CSMD2: variants seen among roughly 807,000 people sequenced by gnomAD.
CSMD2 encodes the protein CUB and sushi domain-containing protein 2.
A neutral mutation model predicts 398.5 loss-of-function variants in CSMD2; 130 were observed. The observed-to-expected ratio is 0.33, with a 90% confidence interval of 0.28 to 0.38. CSMD2 has a LOEUF of 0.38. Ranked by LOEUF, CSMD2 falls within the 10% of genes least tolerant of loss-of-function variation. The pLI is 1.00. For missense variants in CSMD2, 3,829 were observed against 4,764.9 expected (o/e 0.80, Z 5.78); for synonymous variants, 1,828 against 1,908.5 (o/e 0.96, Z 1.10).
intron 3 of CSMD2, among the ~76,000 whole-genome samples, chr1:34,025,278 AGTG>A (rs1649493469): frequency 6.6e-6 from 1 of 152,068 alleles, no homozygotes; most frequent in South Asian, 2.1e-4. Flanking sequence ...TTTTTCCAGA[AGTG>A]ACACTAAGTG....
Position 33,787,492 on chromosome 1 carries a change from C to T in CSMD2, c.1663+1108G>A, listed in dbSNP as rs576286743. Among the ~76,000 whole-genome samples, 133 of 152,322 alleles carry T rather than the reference C, an allele frequency of 8.7e-4. 2 individuals carry two copies. In the South Asian group the frequency reaches 0.027, roughly 31 times the overall value. On this transcript the variant is annotated intron_variant, in intron 12 of 70. Coordinates refer to ENST00000373381, the MANE Select transcript of CSMD2 (RefSeq NM_001281956.2). ...GCTCACTTTTGTGACAAAGCGCTTT[C>T]CTGATCCCCTTTCAGATGTTCCTGA...
At chr1:33,543,792 T>C (rs1025548244) in intron 57 of CSMD2, among the ~76,000 whole-genome samples, 1 of 152,256 alleles carries the variant, frequency 6.6e-6, no homozygotes, top group African/African-American at 2.4e-5. Flanking sequence ...ACTGTTCATA[T>C]AGGAACGCCA....
chr1:33,546,269 G>T, intron 56 of CSMD2, 50 bp from the exon 57 acceptor site: 2 of 1,553,464 alleles, frequency 1.3e-6, no homozygotes, highest in South Asian at 2.4e-5. Context: ...GAAGAAAAGG[G>T]AGTGGAGAAG....
chr1:33,624,928 G>A lies in CSMD2; in HGVS notation c.5500+123C>T. 9.6e-7 allele frequency: 1 copy of A among 1,040,178 alleles called. No homozygotes were observed. Among genetic ancestry groups the A allele is most frequent in the Non-Finnish European group, 1.4e-6 (1 of 692,730 alleles). The allele number at this position is 1,040,178 out of a possible 1,614,324, so 64.4% of individuals were successfully genotyped here. A position where few individuals can be genotyped will look rare whatever the true frequency, so the allele number is the denominator to read the frequency against. ...GGGTTGACTGGGACACCCCACCTCA[G>A]CCATGCGGTGGGAAGCGGCTGCTGT... On this transcript the variant is annotated intron_variant, in intron 34 of 70. Coordinates refer to ENST00000373381, the MANE Select transcript of CSMD2 (RefSeq NM_001281956.2). The surrounding 1 kb of genome is among the most constrained non-coding windows in gnomAD (Gnocchi z 4.7).
rs1489825188 is a variant in CSMD2, at chr1:33,559,202, T to A, written c.8554+98A>T. 1.1e-5 allele frequency: 12 copies of A among 1,132,454 alleles called. No homozygotes were observed. Among genetic ancestry groups the A allele is most frequent in the Non-Finnish European group, 1.5e-5 (12 of 803,222 alleles). 70.2% of individuals were successfully genotyped at this position (1,132,454 alleles called of 1,614,324 possible). On this transcript the variant is annotated intron_variant, in intron 54 of 70. Transcript: ENST00000373381. The surrounding 1 kb of genome is among the most constrained non-coding windows in gnomAD (Gnocchi z 4.0). ...TCCATCTTCCCTATCTGGATCAGAATGATGCCAGAATGAATTCACTGGCTT... is the reference window on the plus strand; with the variant it reads ...TCCATCTTCCCTATCTGGATCAGAAAGATGCCAGAATGAATTCACTGGCTT...
chr1:33,968,913 G>T (rs561449448), intron 3 of CSMD2, among the ~76,000 whole-genome samples: 76 of 152,186 alleles, frequency 5.0e-4, no homozygotes, highest in Non-Finnish European at 8.4e-4. Flanking sequence ...CTTGTTCTGG[G>T]ACTTTACCAC....
Position 33,663,144 on chromosome 1 carries a change from G to A in CSMD2, c.4053-52C>T, listed in dbSNP as rs773827923. 174 of 1,520,868 alleles carry A rather than the reference G, an allele frequency of 1.1e-4. 1 individual carries two copies. Among genetic ancestry groups the A allele is most frequent in the Non-Finnish European group, 1.5e-4 (166 of 1,099,638 alleles). 94.2% of individuals were successfully genotyped at this position (1,520,868 alleles called of 1,614,324 possible). A position where few individuals can be genotyped will look rare whatever the true frequency, so the allele number is the denominator to read the frequency against. ...ATCTGGACTCAGCCCTTCTTTCCAG[G>A]GGCTTCTGGTCAGAAGGTCCTAAAC... On this transcript the variant is annotated intron_variant, in intron 25 of 70. Coordinates refer to ENST00000373381, the MANE Select transcript of CSMD2 (RefSeq NM_001281956.2).
At chr1:33,875,892 T>A (rs2125158397) in intron 5 of CSMD2, among the ~76,000 whole-genome samples, 1 of 152,296 alleles carries the variant, frequency 6.6e-6, no homozygotes, top group Non-Finnish European at 1.5e-5. Context: ...ATGGTCTTGT[T>A]TTTGTCTTCA....
intron 24 of CSMD2, among the ~76,000 whole-genome samples, chr1:33,698,552 C>T (rs1645498266): frequency 6.6e-6 from 1 of 152,222 alleles, no homozygotes; most frequent in Admixed American, 6.5e-5. Flanking sequence ...GACTGCACTG[C>T]TGCATGGGTG....
chr1:33,617,461 G>A (rs1427240721), intron 38 of CSMD2, 38 bp downstream of exon 38: 1 of 1,502,424 alleles, frequency 6.7e-7, no homozygotes, highest in Non-Finnish European at 9.3e-7. Flanking sequence ...CATCTCAGGG[G>A]ACACCTGTTT....
intron 11 of CSMD2, among the ~76,000 whole-genome samples, chr1:33,790,279 A>AACACTGAATC (rs972831981): frequency 3.3e-5 from 5 of 152,316 alleles, no homozygotes; most frequent in Non-Finnish European, 7.4e-5. Flanking sequence ...TGTTTCTGTG[A>AACACTGAATC]GAGTGTGTTT....
At chr1:34,065,413 C>T (rs948180013) in intron 2 of CSMD2, among the ~76,000 whole-genome samples, 1 of 152,158 alleles carries the variant, frequency 6.6e-6, no homozygotes, top group African/African-American at 2.4e-5. Context: ...GTAAAACAGT[C>T]CAGAAGCACA....
chr1:33,701,292 G>T (rs545824962), intron 22 of CSMD2, among the ~76,000 whole-genome samples: 1 of 152,258 alleles, frequency 6.6e-6, no homozygotes, highest in African/African-American at 2.4e-5. Flanking sequence ...GGGCCTGCTG[G>T]GCTTGCCAAG....
Position 33,542,866 on chromosome 1 carries a change from C to G in CSMD2, c.9131G>C (p.Ser3044Thr), listed in dbSNP as rs555497792. ...ATCACTGAACACAACTCGGGCATTACTTGGAGTCCCAGGGTTCCCACAAGA... is the reference window on the plus strand; with the variant it reads ...ATCACTGAACACAACTCGGGCATTAGTTGGAGTCCCAGGGTTCCCACAAGA... ...VISCGNPGTP[S>T]NARVVFSDGL... Residue 3044 changes from serine (S) to threonine (T), a missense_variant, in exon 58 of 71, where the codon AGT (serine) becomes ACT (threonine). Coordinates refer to ENST00000373381, the MANE Select transcript of CSMD2 (RefSeq NM_001281956.2). The G allele has an allele frequency of 4.8e-4, 772 of 1,614,204 alleles. 8 individuals are homozygous for G. In the South Asian group the frequency reaches 8.0e-3, roughly 17 times the overall value.
At chr1:33,540,929 T>C (rs1414416552) in intron 59 of CSMD2, among the ~76,000 whole-genome samples, 1 of 152,190 alleles carries the variant, frequency 6.6e-6, no homozygotes, top group East Asian at 1.9e-4. Context: ...CCCTCAATGT[T>C]CATGGCCCAG....
intron 3 of CSMD2, among the ~76,000 whole-genome samples, chr1:33,963,840 T>C (rs1369442839): frequency 6.6e-6 from 1 of 152,280 alleles, no homozygotes; most frequent in Non-Finnish European, 1.5e-5. Flanking sequence ...TCTAGTTTTC[T>C]GTTCTTACAA....
At chr1:33,804,321 C>T (rs1353306939) in intron 10 of CSMD2, among the ~76,000 whole-genome samples, 2 of 152,222 alleles carry the variant, frequency 1.3e-5, no homozygotes, top group Non-Finnish European at 2.9e-5. Context: ...TCTGTCCTTA[C>T]CTGCATCCAG....
intron 3 of CSMD2, among the ~76,000 whole-genome samples, chr1:33,991,046 CCT>C (rs1331994585): frequency 6.6e-6 from 1 of 150,528 alleles, no homozygotes; most frequent in African/African-American, 2.4e-5. Flanking sequence ...AGAGACAGGG[CCT>C]CTGTCTGTTG....
At chr1:33,914,406 G>GTA (rs989529587) in intron 5 of CSMD2, among the ~76,000 whole-genome samples, 6 of 147,710 alleles carry the variant, frequency 4.1e-5, no homozygotes, top group African/African-American at 1.5e-4. Flanking sequence ...GTGTGTGTGT[G>GTA]TGTGTTTGTG....
Sources: gnomAD v4.1 joint callset for allele counts (sites outside exome capture counted in the v4.1 genomes callset) on GRCh38, gnomAD v4.1.1 for gene constraint, Gnocchi (gnomAD v3.1) non-coding constraint, MANE v1.5 for transcripts, NCBI Gene and HGNC (gene_info 2026-07-23, HGNC 2026-07-21) for gene names.